Variants in NRG1 observed in about 807,000 individuals in gnomAD.
The protein encoded by NRG1 is pro-neuregulin-1, membrane-bound isoform.
NRG1 carries 18 observed loss-of-function variants against 63.8 expected under a neutral mutation model. The ratio of observed to expected loss-of-function variants is 0.28; its 90% CI spans 0.19 to 0.42. The LOEUF is 0.42. NRG1 is among the 10% of genes least tolerant of loss of function. The pLI, the probability that NRG1 is intolerant of heterozygous loss-of-function variation, is 1.00. For missense variants in NRG1, 762 were observed against 814.7 expected, an observed-to-expected ratio of 0.94 and a Z score of 0.79; for synonymous variants, 302 against 301.3, an observed-to-expected ratio of 1.00 and a Z score of -0.02.
At chr8:32,484,337 T>C (rs1825671216) in intron 1 of NRG1, among the ~76,000 whole-genome samples, 2 of 152,254 alleles carry the variant, frequency 1.3e-5, no homozygotes, top group South Asian at 4.2e-4. Flanking sequence ...ACAAGATACA[T>C]TTTGAATTAG....
intron 1 of NRG1, among the ~76,000 whole-genome samples, chr8:32,309,985 T>C (rs1007279461): frequency 6.6e-6 from 1 of 152,206 alleles, no homozygotes; most frequent in African/African-American, 2.4e-5. Flanking sequence ...TCGCCTAGAT[T>C]TTGCTCAATG....
chr8:32,372,736 T>C (rs753821533), intron 1 of NRG1, among the ~76,000 whole-genome samples: 10 of 152,176 alleles, frequency 6.6e-5, no homozygotes, highest in Non-Finnish European at 1.3e-4. Flanking sequence ...CCTACTAGAA[T>C]AGCAAGACAC....
intron 1 of NRG1, among the ~76,000 whole-genome samples, chr8:32,296,616 CAAAA>C (rs34816837): frequency 3.0e-5 from 3 of 100,772 alleles, no homozygotes; most frequent in Non-Finnish European, 4.3e-5. Flanking sequence ...AACTTTGTCC[CAAAA>C]AAAAAAAAAA....
intron 1 of NRG1, among the ~76,000 whole-genome samples, chr8:32,329,122 A>G (rs1305313214): frequency 2.6e-5 from 4 of 152,078 alleles, no homozygotes; most frequent in Admixed American, 6.6e-5. Context: ...ATGCATCACC[A>G]TGCCTGGCTA....
At chr8:31,915,683 C>A (rs1247992183) in intron 1 of NRG1, among the ~76,000 whole-genome samples, 2 of 152,084 alleles carry the variant, frequency 1.3e-5, no homozygotes, top group Non-Finnish European at 1.5e-5. Flanking sequence ...ATATCCTTTA[C>A]AATCTGTTTC....
intron 1 of NRG1, among the ~76,000 whole-genome samples, chr8:32,293,658 T>G (rs2129474268): frequency 6.6e-6 from 1 of 151,800 alleles, no homozygotes; most frequent in South Asian, 2.1e-4. Flanking sequence ...ATTTTTTTAT[T>G]TTTATTTTTT....
At chr8:31,898,643 G>A (rs1831804612) in intron 1 of NRG1, among the ~76,000 whole-genome samples, 1 of 152,130 alleles carries the variant, frequency 6.6e-6, no homozygotes. Context: ...GGCAGAGGTT[G>A]CAGTGAGCTG....
chr8:31,988,904 A>G (rs1376118157), intron 1 of NRG1, among the ~76,000 whole-genome samples: 1 of 152,044 alleles, frequency 6.6e-6, no homozygotes, highest in Non-Finnish European at 1.5e-5. Flanking sequence ...TCATTCTACA[A>G]TAACTTGACC....
intron 1 of NRG1, among the ~76,000 whole-genome samples, chr8:32,375,420 C>CT (rs1193754451): frequency 4.6e-5 from 7 of 152,050 alleles, no homozygotes; most frequent in Non-Finnish European, 1.0e-4. Context: ...TCTTAAAAAA[C>CT]TTGTCAGTTG....
intron 1 of NRG1, among the ~76,000 whole-genome samples, chr8:32,304,735 C>G (rs1338822723): frequency 1.3e-5 from 2 of 152,040 alleles, no homozygotes; most frequent in African/African-American, 4.8e-5. Context: ...TAAATATTGG[C>G]CAGGTGTGGT....
intron 1 of NRG1, among the ~76,000 whole-genome samples, chr8:31,720,995 G>T (rs1261827331): frequency 1.3e-5 from 2 of 152,084 alleles, no homozygotes; most frequent in Admixed American, 6.6e-5. Flanking sequence ...AAGCCAGGGG[G>T]TTTTCTCTGC....
In NRG1 at chr8:31,841,506, G is replaced by A. The variant is rs142649903; in HGVS notation, c.37+202075G>A. Among the ~76,000 whole-genome samples the A allele has an allele frequency of 7.2e-5, 11 of 152,222 alleles. No homozygotes were observed. The East Asian group carries it at 1.9e-3, about 27-fold the overall frequency. ...AAATGGTTTAGAAGGTGAAGATAAG[G>A]AGCTCAATTAGTGGGCTATTTAAAG... On this transcript the variant is annotated intron_variant, in intron 1 of 10. Transcript: ENST00000519301.
intron 1 of NRG1, among the ~76,000 whole-genome samples, chr8:32,156,492 A>T (rs1176763452): frequency 6.6e-6 from 1 of 152,234 alleles, no homozygotes; most frequent in Non-Finnish European, 1.5e-5. Context: ...CACCATTGTA[A>T]TTCCAGTGCC....
At chr8:32,634,563 G>C (rs895606235) in intron 5 of NRG1, among the ~76,000 whole-genome samples, 3 of 152,182 alleles carry the variant, frequency 2.0e-5, no homozygotes, top group African/African-American at 4.8e-5. Context: ...TTAAATCCTG[G>C]TGTTGGAAAA....
At chr8:32,247,285 C>G (rs1252532963) in intron 1 of NRG1, among the ~76,000 whole-genome samples, 1 of 151,954 alleles carries the variant, frequency 6.6e-6, no homozygotes, top group Non-Finnish European at 1.5e-5. Flanking sequence ...GACATAAAAG[C>G]CTTTGATGAC....
chr8:31,865,288 A>G (rs547902886), intron 1 of NRG1, among the ~76,000 whole-genome samples: 37 of 152,306 alleles, frequency 2.4e-4, no homozygotes, highest in African/African-American at 8.4e-4. Context: ...CACCAGAGGA[A>G]GTAGGCTCTC....
intron 1 of NRG1, among the ~76,000 whole-genome samples, chr8:32,116,730 A>G (rs1298361161): frequency 6.6e-6 from 1 of 152,088 alleles, no homozygotes; most frequent in Non-Finnish European, 1.5e-5. Context: ...TTGTATTAAT[A>G]TGATAGGAGA....
At chr8:32,429,537 A>G (rs1587603463) in intron 1 of NRG1, among the ~76,000 whole-genome samples, 2 of 152,338 alleles carry the variant, frequency 1.3e-5, no homozygotes, top group East Asian at 1.9e-4. Context: ...AAATTGTTAG[A>G]ACATGACTTG....
intron 1 of NRG1, among the ~76,000 whole-genome samples, chr8:32,445,240 G>A (rs1820093567): frequency 6.6e-6 from 1 of 152,142 alleles, no homozygotes. Context: ...ATAATACCTA[G>A]AGTTGTATAA....
Sources: allele counts gnomAD v4.1 joint callset (sites outside exome capture counted in the v4.1 genomes callset), GRCh38; gene constraint gnomAD v4.1.1; transcripts MANE v1.5; gene names NCBI Gene and HGNC (gene_info 2026-07-23, HGNC 2026-07-21).